BOD1L1: variants seen among roughly 807,000 people sequenced by gnomAD.
The protein encoded by BOD1L1 is biorientation of chromosomes in cell division 1 like 1.
In BOD1L1, 86 loss-of-function variants were observed where a neutral mutation model predicts 240.7. That is an observed-to-expected ratio of 0.36 (90% CI 0.30 to 0.43). BOD1L1 has a LOEUF of 0.43. Among genes scored for constraint, BOD1L1 ranks in the 20% least tolerant of loss-of-function variants. BOD1L1 has a pLI of 1.00. For missense variants in BOD1L1, 3,554 were observed against 3,643.5 expected (o/e 0.98, Z 0.63); for synonymous variants, 1,268 against 1,272.3 (o/e 1.00, Z 0.07).
intron 9 of BOD1L1, among the ~76,000 whole-genome samples, chr4:13,606,006 A>T (rs1715671083): frequency 6.6e-6 from 1 of 152,180 alleles, no homozygotes; most frequent in South Asian, 2.1e-4. Context: ...TACTAGCTAT[A>T]ATTATTCTTA....
Position 13,582,220 on chromosome 4 carries a change from C to T in BOD1L1, c.8592+17G>A, listed in dbSNP as rs536790610. On this transcript the variant is annotated intron_variant, in intron 19 of 25. Coordinates refer to ENST00000040738, the MANE Select transcript of BOD1L1 (RefSeq NM_148894.3). ...TTAAATAATTGTGAACAAACAAATA[C>T]GAAAAGCACATCTCACCTCCTGAGA... 5.3e-5 allele frequency: 84 copies of T among 1,599,126 alleles called. No individual in the cohort carries two copies. The highest frequency in any genetic ancestry group is 1.7e-4 in the Middle Eastern group (1 of 6,026).
chr4:13,605,296 GAACT>G (rs574580275), intron 9 of BOD1L1, among the ~76,000 whole-genome samples: 46 of 152,058 alleles, frequency 3.0e-4, no homozygotes, highest in African/African-American at 1.0e-3. Context: ...ATTCTTCAAA[GAACT>G]AACAGGAGTT....
chr4:13,610,556 AC>A (rs1367353421), intron 6 of BOD1L1, among the ~76,000 whole-genome samples: 7 of 152,242 alleles, frequency 4.6e-5, no homozygotes, highest in African/African-American at 1.7e-4. Context: ...ATTATGAAAA[AC>A]ATTGTATCGA....
rs1316837175 is a variant in BOD1L1, at chr4:13,620,073, G to A, written c.244-6C>T. 1 of 1,588,792 alleles carries A rather than the reference G, an allele frequency of 6.3e-7. No individual in the cohort carries two copies. On this transcript the variant is annotated splice_region_variant and splice_polypyrimidine_tract_variant and intron_variant, in intron 1 of 25. Coordinates refer to ENST00000040738, the MANE Select transcript of BOD1L1 (RefSeq NM_148894.3). Reference sequence around the variant, plus strand: ...CTCAGATTCTGATACGCAGGCTAGAGAGAAAAAAACGAAGGTAAGTCTTCA... The same window carrying A: ...CTCAGATTCTGATACGCAGGCTAGAAAGAAAAAAACGAAGGTAAGTCTTCA...
intron 1 of BOD1L1, chr4:13,624,760 G>A (rs1273954510): frequency 6.6e-6 from 1 of 152,162 alleles, no homozygotes; most frequent in Non-Finnish European, 1.5e-5. Flanking sequence ...CACTAAACTG[G>A]ATGACAGTTT....
rs764300222 is a variant in BOD1L1, at chr4:13,600,097, A to G, written c.6803T>C (p.Val2268Ala). 1 of 1,613,786 alleles carries G rather than the reference A, an allele frequency of 6.2e-7. No homozygotes were observed. Among genetic ancestry groups the G allele is most frequent in the South Asian group, 1.1e-5 (1 of 91,050 alleles). Residue 2268 changes from valine (V) to alanine (A), a missense_variant, in exon 10 of 26, where the codon GTG becomes GCG. This residue lies in a region of BOD1L1 where 3,393 missense variants were observed against 3,427.1 expected (regional missense o/e 0.99). Coordinates refer to ENST00000040738, the MANE Select transcript of BOD1L1 (RefSeq NM_148894.3). ...TSSVEDCEGP[V>A]SSAVPQEEGD... is the part of the protein sequence containing the mutation. ...TTCCTCTTGAGGGACAGCACTGGACACTGGGCCCTCACAGTCTTCCACCGA... is the reference window on the plus strand; with the variant it reads ...TTCCTCTTGAGGGACAGCACTGGACGCTGGGCCCTCACAGTCTTCCACCGA...
At chr4:13,591,870 T>C (rs1577332420) in intron 13 of BOD1L1, 53 bp downstream of exon 13, 2 of 1,399,562 alleles carry the variant, frequency 1.4e-6, no homozygotes, top group Non-Finnish European at 9.7e-7. Flanking sequence ...TCCAAAAAAA[T>C]AAAATTAAAA....
At chr4:13,574,426 A>T (rs927593775) in intron 25 of BOD1L1, among the ~76,000 whole-genome samples, 2 of 152,248 alleles carry the variant, frequency 1.3e-5, no homozygotes, top group African/African-American at 4.8e-5. Flanking sequence ...AAAAGTTTAT[A>T]TTATAAAGTG....
intron 2 of BOD1L1, among the ~76,000 whole-genome samples, chr4:13,618,339 T>C (rs767629205): frequency 6.6e-6 from 1 of 152,228 alleles, no homozygotes; most frequent in Non-Finnish European, 1.5e-5. Flanking sequence ...TGAATGAAAG[T>C]AATCAGTAGG....
rs1372089162 is a variant in BOD1L1 at position 13,600,824 on chromosome 4, G to A, written c.6076C>T (p.Pro2026Ser). 1.2e-6 allele frequency: 2 copies of A among 1,613,622 alleles called. No homozygotes were observed. The highest frequency in any genetic ancestry group is 1.3e-5 in the African/African-American group (1 of 74,884). The change falls in exon 10 of 26, where the codon CCA (proline) becomes TCA (serine). Residue 2026 changes from proline to serine, a missense_variant. Around this residue, in one of 2 missense-constraint regions of BOD1L1, gnomAD observed 3,393 missense variants for 3,427.1 expected, o/e 0.99. Coordinates refer to ENST00000040738, the MANE Select transcript of BOD1L1 (RefSeq NM_148894.3). ...VPECEVAHTS[P>S]SEKEDEDIIT... Reference sequence around the variant, plus strand: ...ATGTCCTCATCTTCTTTTTCACTTGGTGATGTGTGAGCAACTTCACATTCT... The same window carrying A: ...ATGTCCTCATCTTCTTTTTCACTTGATGATGTGTGAGCAACTTCACATTCT...
chr4:13,594,668 G>T (rs905772746), intron 12 of BOD1L1, among the ~76,000 whole-genome samples: 1 of 152,236 alleles, frequency 6.6e-6, no homozygotes, highest in African/African-American at 2.4e-5. Context: ...AGGCCAAGGC[G>T]GGCGGATCAC....
rs988726017 is a variant in BOD1L1, at chr4:13,581,309, A to G, written c.8593-102T>C. On this transcript the variant is annotated intron_variant, in intron 19 of 25. Coordinates refer to ENST00000040738, the MANE Select transcript of BOD1L1 (RefSeq NM_148894.3). Reference sequence around the variant, plus strand: ...ATCAGATTTAGAGTTCCTGTCTAAGAGACCTCAAATCCTAGCTTTGTCACT... The same window carrying G: ...ATCAGATTTAGAGTTCCTGTCTAAGGGACCTCAAATCCTAGCTTTGTCACT... 3.8e-6 allele frequency: 3 copies of G among 790,426 alleles called. No homozygotes were observed. In the African/African-American group the frequency reaches 5.3e-5, roughly 14 times the overall value. The allele number at this position is 790,426 out of a possible 1,614,324, so 49.0% of individuals were successfully genotyped here.
At chr4:13,590,134 T>C (rs1028619653) in intron 14 of BOD1L1, among the ~76,000 whole-genome samples, 2 of 152,238 alleles carry the variant, frequency 1.3e-5, no homozygotes, top group African/African-American at 2.4e-5. Context: ...GGGAGATTAA[T>C]GGCAAAGTTC....
In BOD1L1 at chr4:13,604,130, C is replaced by T. The variant is rs767236443; in HGVS notation, c.2770G>A (p.Val924Ile). The change falls in exon 10 of 26, where the codon GTA becomes ATA. Residue 924 changes from valine (V) to isoleucine (I), a missense_variant. This residue lies in a region of BOD1L1 where 3,393 missense variants were observed against 3,427.1 expected (regional missense o/e 0.99). Coordinates refer to ENST00000040738, the MANE Select transcript of BOD1L1 (RefSeq NM_148894.3). The part of the protein sequence containing the change: ...SKTQGKQVKV[V>I]ETELQEGATK... ...GCACCTTCTTGTAATTCTGTTTCTACAACTTTTACCTGTTTGCCTTGAGTT... is the reference window on the plus strand; with the variant it reads ...GCACCTTCTTGTAATTCTGTTTCTATAACTTTTACCTGTTTGCCTTGAGTT... 3.1e-6 allele frequency: 5 copies of T among 1,613,360 alleles called. No individual in the cohort carries two copies. Among genetic ancestry groups the T allele is most frequent in the Non-Finnish European group, 4.2e-6 (5 of 1,179,788 alleles).
At chr4:13,575,459 C>A (rs374482297) in intron 25 of BOD1L1, among the ~76,000 whole-genome samples, 1 of 152,170 alleles carries the variant, frequency 6.6e-6, no homozygotes, top group African/African-American at 2.4e-5. Flanking sequence ...CAGCTCACTG[C>A]AGCCTCAAGC....
intron 15 of BOD1L1, among the ~76,000 whole-genome samples, chr4:13,588,325 T>C (rs978475573): frequency 6.6e-6 from 1 of 152,230 alleles, no homozygotes; most frequent in South Asian, 2.1e-4. Context: ...CTACATACTA[T>C]ATTTCAATAA....
intron 17 of BOD1L1, among the ~76,000 whole-genome samples, chr4:13,584,396 GAGTC>G (rs1172991941): frequency 6.6e-6 from 1 of 151,354 alleles, no homozygotes; most frequent in Non-Finnish European, 1.5e-5. Context: ...GAGATGGAGA[GAGTC>G]AGCATGTGTG....
chr4:13,618,815 G>C (rs1012482568), intron 2 of BOD1L1, among the ~76,000 whole-genome samples: 2 of 151,528 alleles, frequency 1.3e-5, no homozygotes, highest in Admixed American at 1.3e-4. Flanking sequence ...GGTTCCTATG[G>C]GACAAAAGGA....
At chr4:13,597,796 A>G (rs1485992499) in intron 10 of BOD1L1, among the ~76,000 whole-genome samples, 1 of 152,222 alleles carries the variant, frequency 6.6e-6, no homozygotes, top group Admixed American at 6.5e-5. Context: ...GGAGCATTCA[A>G]TTTACTCCAG....
Sources: allele counts gnomAD v4.1 joint callset (sites outside exome capture counted in the v4.1 genomes callset), GRCh38; gene constraint gnomAD v4.1.1; regional missense constraint gnomAD v4.1.1; transcripts MANE v1.5; gene names NCBI Gene and HGNC (gene_info 2026-07-23, HGNC 2026-07-21).